PPP1R8: variants seen among roughly 807,000 people sequenced by gnomAD.
The protein encoded by PPP1R8 is nuclear inhibitor of protein phosphatase 1.
PPP1R8 carries 4 observed loss-of-function variants against 31.3 expected under a neutral mutation model. The ratio of observed to expected loss-of-function variants is 0.13; its 90% CI spans 0.06 to 0.29. The LOEUF (loss-of-function observed/expected upper bound fraction) is 0.29, where lower values mean the gene tolerates loss of function less well. Ranked by LOEUF, PPP1R8 falls within the 10% of genes least tolerant of loss-of-function variation. The pLI is 1.00. For missense variants in PPP1R8, 254 were observed against 440.1 expected (o/e 0.58, Z 3.78); for synonymous variants, 170 against 169.7 (o/e 1.00, Z -0.01).
chr1:27,851,367 A>G lies in PPP1R8; in HGVS notation c.*921A>G, dbSNP rs2089342659. 2.9e-6 allele frequency: 1 copy of G among 339,692 alleles called. No individual in the cohort carries two copies. Among genetic ancestry groups the G allele is most frequent in the Admixed American group, 3.7e-5 (1 of 26,916 alleles). 21.0% of individuals were successfully genotyped at this position (339,692 alleles called of 1,614,324 possible). A position where few individuals can be genotyped will look rare whatever the true frequency, so the allele number is the denominator to read the frequency against. ...AGAGCTCTTGTTATTCAGAGCTCCA[A>G]GACTAGACCTGGCTAACAAACATAG... On this transcript the variant is annotated 3_prime_UTR_variant, in exon 7 of 7. Transcript: ENST00000311772.
At chr1:27,842,845 G>T (rs970100275) in intron 4 of PPP1R8, among the ~76,000 whole-genome samples, 7 of 152,012 alleles carry the variant, frequency 4.6e-5, no homozygotes, top group African/African-American at 1.7e-4. Context: ...GCTTATTGTG[G>T]GCATGAAGAC....
chr1:27,845,661 A>G (rs892528795), intron 5 of PPP1R8, among the ~76,000 whole-genome samples: 1 of 152,086 alleles, frequency 6.6e-6, no homozygotes, highest in Non-Finnish European at 1.5e-5. Flanking sequence ...ATGGATCCTA[A>G]TATGTGAAAA....
In PPP1R8 at chr1:27,850,658, G is replaced by T; in HGVS notation, c.*212G>T. On this transcript the variant is annotated 3_prime_UTR_variant, in exon 7 of 7. Coordinates refer to ENST00000311772, the MANE Select transcript of PPP1R8 (RefSeq NM_014110.5). ...CACAACACTTGCATTGTAGAGAAAG[G>T]CTTCTTATATCCTTTTCAATAGACT... 1 of 533,086 alleles carries T rather than the reference G, an allele frequency of 1.9e-6. No homozygotes were observed. The highest frequency in any genetic ancestry group is 3.3e-6 in the Non-Finnish European group (1 of 301,630). The allele number at this position is 533,086 out of a possible 1,614,324, so 33.0% of individuals were successfully genotyped here. A position where few individuals can be genotyped will look rare whatever the true frequency, so the allele number is the denominator to read the frequency against.
Position 27,831,445 on chromosome 1 carries a change from C to G in PPP1R8, c.56+554C>G, listed in dbSNP as rs373040084. ...GGCATTAGTAATGGTTGGCATGAAC[C>G]CTTTTTATCCCTTCGAAAGTTCTTG... is the stretch of plus-strand genomic sequence containing the variant. On this transcript the variant is annotated intron_variant, in intron 1 of 6. Coordinates refer to ENST00000311772, the MANE Select transcript of PPP1R8 (RefSeq NM_014110.5). The G allele has an allele frequency of 3.5e-4, 261 of 755,778 alleles. 4 individuals carry two copies. The South Asian group carries it at 0.014, about 40-fold the overall frequency. The allele number at this position is 755,778 out of a possible 1,614,324, so 46.8% of individuals were successfully genotyped here.
At position 27,838,976 on chromosome 1, in the gene PPP1R8, C is replaced by G; in HGVS notation, c.271+124C>G. 3 of 1,014,112 alleles carry G rather than the reference C, an allele frequency of 3.0e-6. 1 individual carries two copies. Among genetic ancestry groups the G allele is most frequent in the Non-Finnish European group, 4.2e-6 (3 of 719,490 alleles). 62.8% of individuals were successfully genotyped at this position (1,014,112 alleles called of 1,614,324 possible). ...ATGTTTGGTTTTTAAATCCACCCTT[C>G]TCTATTTCTGTGATTTTTCTATTTT... On this transcript the variant is annotated intron_variant, in intron 3 of 6. Coordinates refer to ENST00000311772, the MANE Select transcript of PPP1R8 (RefSeq NM_014110.5).
intron 2 of PPP1R8, among the ~76,000 whole-genome samples, chr1:27,834,890 C>G (rs2089147684): frequency 6.6e-6 from 1 of 152,072 alleles, no homozygotes; most frequent in Non-Finnish European, 1.5e-5. Context: ...CAGTGGCACA[C>G]CCCTATAATC....
chr1:27,831,008 G>T lies in PPP1R8; in HGVS notation c.56+117G>T. On this transcript the variant is annotated intron_variant, in intron 1 of 6. Transcript: ENST00000311772. ...CGAACGGCTCAGAAACCCCGGAATG[G>T]TTGAGGAAAAACTGTTTGCTGCACC... 3 of 1,426,152 alleles carry T rather than the reference G, an allele frequency of 2.1e-6. No individual in the cohort carries two copies. In the South Asian group the frequency reaches 4.6e-5, roughly 22 times the overall value. 88.3% of individuals were successfully genotyped at this position (1,426,152 alleles called of 1,614,324 possible).
At position 27,831,313 on chromosome 1, in the gene PPP1R8, T is replaced by G. The variant is rs1379749169; in HGVS notation, c.56+422T>G. 2.0e-6 allele frequency: 2 copies of G among 996,696 alleles called. 1 individual carries two copies. The highest frequency in any genetic ancestry group is 2.4e-6 in the Non-Finnish European group (2 of 836,630). The allele number at this position is 996,696 out of a possible 1,614,324, so 61.7% of individuals were successfully genotyped here. A position where few individuals can be genotyped will look rare whatever the true frequency, so the allele number is the denominator to read the frequency against. On this transcript the variant is annotated intron_variant, in intron 1 of 6. Transcript: ENST00000311772. ...TACCTCCAAGCCCCGCATCCCTCTGTGGTTGCTGCATCCCTCGTGCGGCAC... is the reference window on the plus strand; with the variant it reads ...TACCTCCAAGCCCCGCATCCCTCTGGGGTTGCTGCATCCCTCGTGCGGCAC...
rs753186108 is a variant in PPP1R8 at position 27,840,995 on chromosome 1, C to G, written c.272-19C>G. 5.7e-5 allele frequency: 92 copies of G among 1,612,514 alleles called. 1 individual carries two copies. In the South Asian group the frequency reaches 1.0e-3, roughly 18 times the overall value. On this transcript the variant is annotated intron_variant, in intron 3 of 6. Coordinates refer to ENST00000311772, the MANE Select transcript of PPP1R8 (RefSeq NM_014110.5). ...TGTTTTTGTTTTCCCCCTTACGTTT[C>G]TGATTTGGTTATTCCCAGCACACGG...
intron 6 of PPP1R8, among the ~76,000 whole-genome samples, chr1:27,847,333 C>G (rs1392349605): frequency 6.6e-6 from 1 of 151,978 alleles, no homozygotes; most frequent in Non-Finnish European, 1.5e-5. Flanking sequence ...ATGGTGAAAC[C>G]CTGTCTCTAC....
intron 2 of PPP1R8, among the ~76,000 whole-genome samples, chr1:27,836,941 C>T (rs1400932227): frequency 6.6e-6 from 1 of 152,154 alleles, no homozygotes; most frequent in Admixed American, 6.5e-5. Flanking sequence ...TAGGTGTTTA[C>T]ACTTCATTCC....
At chr1:27,836,107 C>T (rs1172879417) in intron 2 of PPP1R8, among the ~76,000 whole-genome samples, 1 of 152,198 alleles carries the variant, frequency 6.6e-6, no homozygotes, top group Non-Finnish European at 1.5e-5. Flanking sequence ...ACTAACTTGA[C>T]TATACTCTAC....
Position 27,843,422 on chromosome 1 carries a change from C to T in PPP1R8, c.637+92C>T, listed in dbSNP as rs961516218. 7.0e-5 allele frequency: 105 copies of T among 1,498,422 alleles called. No homozygotes were observed. The Admixed American group carries it at 9.2e-4, about 13-fold the overall frequency. The allele number at this position is 1,498,422 out of a possible 1,614,324, so 92.8% of individuals were successfully genotyped here. On this transcript the variant is annotated intron_variant, in intron 5 of 6. Transcript: ENST00000311772. ...CTGTAGTCCTAGCACTTTGGGAGGCCGAGGAGGGTGGATCACTTAAGGTCA... is the reference window on the plus strand; with the variant it reads ...CTGTAGTCCTAGCACTTTGGGAGGCTGAGGAGGGTGGATCACTTAAGGTCA...
Position 27,838,785 on chromosome 1 carries a change from T to C in PPP1R8, c.204T>C (p.Ser68=). 1 of 1,613,306 alleles carries C rather than the reference T, an allele frequency of 6.2e-7. No homozygotes were observed. Residue 68 remains serine (S), a synonymous_variant, in exon 3 of 7, where the codon TCT becomes TCC. Coordinates refer to ENST00000311772, the MANE Select transcript of PPP1R8 (RefSeq NM_014110.5). ...CDFTIDHQSC[S]RVHAALVYHK... ...TTACCATTGACCACCAGTCTTGCTC[T>C]CGGGTCCATGCTGCACTTGTCTACC...
At chr1:27,842,387 T>G (rs1054919022) in intron 4 of PPP1R8, among the ~76,000 whole-genome samples, 2 of 151,984 alleles carry the variant, frequency 1.3e-5, no homozygotes, top group Non-Finnish European at 2.9e-5. Flanking sequence ...AAGAAGTCGT[T>G]TTGTTTTGAA....
rs1390334270 is a variant in PPP1R8 at position 27,850,112 on chromosome 1, C to T, written c.722C>T (p.Pro241Leu). The change falls in exon 7 of 7, where the codon CCT (proline) becomes CTT (leucine). Residue 241 changes from proline to leucine, a missense_variant. By Grantham distance (98) the Pro-to-Leu change is moderately conservative (BLOSUM62 -3). Transcript: ENST00000311772. Reference protein sequence around the residue: ...VPVKKKRVEGPGSLGLEESGS... With the variant: ...VPVKKKRVEGLGSLGLEESGS... ...CTGTAGAAGAAGCGTGTGGAGGGCC[C>T]TGGCTCCCTGGGCCTGGAGGAATCA... 4 of 1,585,228 alleles carry T rather than the reference C, an allele frequency of 2.5e-6. No individual in the cohort carries two copies. The highest frequency in any genetic ancestry group is 3.4e-6 in the Non-Finnish European group (4 of 1,164,008).
rs1466482809 is a variant in PPP1R8 at position 27,843,346 on chromosome 1, A to G, written c.637+16A>G. ...ATCAACCCAGGTGAGGTATCTTGCT[A>G]GTTTATTCTGATGAAAAAGCTGTGG... is the stretch of plus-strand genomic sequence containing the variant. On this transcript the variant is annotated intron_variant, in intron 5 of 6. Transcript: ENST00000311772. 1.9e-6 allele frequency: 3 copies of G among 1,613,910 alleles called. No individual in the cohort carries two copies. The highest frequency in any genetic ancestry group is 2.5e-6 in the Non-Finnish European group (3 of 1,179,960).
chr1:27,846,642 T>C (rs1203843120), intron 5 of PPP1R8, among the ~76,000 whole-genome samples: 1 of 152,206 alleles, frequency 6.6e-6, no homozygotes, highest in Non-Finnish European at 1.5e-5. Flanking sequence ...TACTCTTCTT[T>C]TCTTTCCCCT....
At chr1:27,840,966 A>T in intron 3 of PPP1R8, 48 bp from the exon 4 acceptor site, 1 of 1,578,788 alleles carries the variant, frequency 6.3e-7, no homozygotes, top group Non-Finnish European at 8.7e-7. Context: ...TCTAAAACTC[A>T]GGTTGTTTTT....
Sources: allele counts gnomAD v4.1 joint callset (sites outside exome capture counted in the v4.1 genomes callset), GRCh38; gene constraint gnomAD v4.1.1; transcripts MANE v1.5; gene names NCBI Gene and HGNC (gene_info 2026-07-23, HGNC 2026-07-21).